The following TRAPPC8 variants were observed in gnomAD, a reference collection of about 807,000 sequenced individuals.
TRAPPC8 encodes the protein trafficking protein particle complex subunit 8, also known as general sporulation gene 1 homolog.
In TRAPPC8, 54 loss-of-function variants were observed where a neutral mutation model predicts 174.3. The observed-to-expected ratio is 0.31, with a 90% CI of 0.25 to 0.39. The LOEUF is 0.39. TRAPPC8 is among the 10% of genes least tolerant of loss of function. The probability of loss-of-function intolerance (pLI) is 1.00; values close to 1 mark genes in which losing one functional copy is unlikely to be tolerated. For synonymous variants in TRAPPC8, 630 were observed against 579.9 expected, an observed-to-expected ratio of 1.09 and a Z score of -1.24; for missense variants, 1,531 against 1,699.1, an observed-to-expected ratio of 0.90 and a Z score of 1.74.
Position 31,936,378 on chromosome 18 carries a change from C to T in TRAPPC8, c.158-4855G>A, listed in dbSNP as rs150648448. 5.6e-3 allele frequency among the ~76,000 whole-genome samples: 857 copies of T among 152,074 alleles called. 6 individuals are homozygous for T. Among genetic ancestry groups the T allele is most frequent in the African/African-American group, 0.02 (819 of 41,468 alleles). ...ACCCAGGAGGCCAATGTGGAATGAT[C>T]GCTTGAGCCCAGGAGGTCGAGGCTG... On this transcript the variant is annotated intron_variant, in intron 1 of 28. Transcript: ENST00000283351.
In TRAPPC8 at chr18:31,866,957, G is replaced by T; in HGVS notation, c.2482C>A (p.Pro828Thr). The change falls in exon 18 of 29, where the codon CCC (proline) becomes ACC (threonine). Residue 828 changes from proline (P) to threonine (T), a missense_variant. Pro to Thr is a conservative substitution (Grantham distance 38). Transcript: ENST00000283351. ...ESKVARLKLFPHHIGELHILG... is the reference protein window; with the variant it reads ...ESKVARLKLFTHHIGELHILG... ...ATATGCAGCTCCCCTATGTGATGGG[G>T]AAAGAGCTTTAGTCTTGCCTGTGGA... The T allele has an allele frequency of 1.9e-6, 3 of 1,613,572 alleles. No homozygotes were observed. Among genetic ancestry groups the T allele is most frequent in the South Asian group, 2.2e-5 (2 of 91,068 alleles).
chr18:31,855,680 C>A lies in TRAPPC8; in HGVS notation c.3316G>T (p.Asp1106Tyr). 1.3e-6 allele frequency: 2 copies of A among 1,598,122 alleles called. No homozygotes were observed. Among genetic ancestry groups the A allele is most frequent in the Non-Finnish European group, 1.7e-6 (2 of 1,176,422 alleles). ...CTTACAGTATTGGTATTTTCCACAT[C>A]CACAAAGACTAGCATATTGCCTCCT... ...GRGGNMLVFV[D>Y]VENTNTSEAG... The change falls in exon 21 of 29, where the codon GAT becomes TAT. Residue 1106 changes from aspartate to tyrosine, a missense_variant. Asp to Tyr is a radical substitution (Grantham distance 160, BLOSUM62 -3). Transcript: ENST00000283351.
At chr18:31,898,228 G>T (rs1233789956) in intron 10 of TRAPPC8, among the ~76,000 whole-genome samples, 1 of 151,216 alleles carries the variant, frequency 6.6e-6, no homozygotes, top group Non-Finnish European at 1.5e-5. Context: ...TTTATTGTTG[G>T]TTTTTTCCCA....
chr18:31,905,922 G>T (rs1245171845), intron 9 of TRAPPC8, among the ~76,000 whole-genome samples: 1 of 151,970 alleles, frequency 6.6e-6, no homozygotes, highest in Non-Finnish European at 1.5e-5. Context: ...AGGTTATAAG[G>T]TATTAATAAT....
rs146361581 is a variant in TRAPPC8 at position 31,915,375 on chromosome 18, C to T, written c.617+897G>A. On this transcript the variant is annotated intron_variant, in intron 4 of 28. Transcript: ENST00000283351. ...ACCCGGGAGGCTGAGGCAGGAGAAT[C>T]GCTGGAACTCAGGAAGCACAGAGGC... Among the ~76,000 whole-genome samples the T allele has an allele frequency of 3.0e-3, 453 of 148,562 alleles. 2 individuals are homozygous for T. The highest frequency in any genetic ancestry group is 9.8e-3 in the African/African-American group (393 of 40,140).
intron 27 of TRAPPC8, 25 bp from the exon 28 acceptor site, chr18:31,832,198 A>C: frequency 7.0e-7 from 1 of 1,421,686 alleles, no homozygotes; most frequent in Non-Finnish European, 9.3e-7. Context: ...TAAACAAAAA[A>C]GTTATATATT....
chr18:31,897,097 C>T (rs903753250), intron 11 of TRAPPC8, among the ~76,000 whole-genome samples: 2 of 152,130 alleles, frequency 1.3e-5, no homozygotes, highest in South Asian at 2.1e-4. Context: ...GATAATTTAA[C>T]ATTTAAGGAG....
intron 1 of TRAPPC8, among the ~76,000 whole-genome samples, chr18:31,932,453 CAAA>C (rs1272108857): frequency 6.6e-6 from 1 of 150,754 alleles, no homozygotes; most frequent in Admixed American, 6.6e-5. Context: ...ACAACAACAA[CAAA>C]AAAACAATGT....
intron 5 of TRAPPC8, among the ~76,000 whole-genome samples, chr18:31,910,984 T>C (rs1288439305): frequency 1.3e-5 from 2 of 152,202 alleles, no homozygotes; most frequent in Admixed American, 6.5e-5. Context: ...CCCAGCATTA[T>C]CTTAAAGAAC....
Position 31,852,678 on chromosome 18 carries a change from G to T in TRAPPC8, c.3434-15C>A. 1.2e-6 allele frequency: 2 copies of T among 1,607,996 alleles called. No individual in the cohort carries two copies. Among genetic ancestry groups the T allele is most frequent in the Non-Finnish European group, 8.5e-7 (1 of 1,175,630 alleles). ...AAGTTTGGTATCTAGGAAGAAAAAG[G>T]GAAATTTCAAAGATGTTTCTCAGTT... On this transcript the variant is annotated splice_polypyrimidine_tract_variant and intron_variant, in intron 22 of 28. Coordinates refer to ENST00000283351, the MANE Select transcript of TRAPPC8 (RefSeq NM_014939.5).
chr18:31,838,019 G>C (rs922270204), intron 27 of TRAPPC8, among the ~76,000 whole-genome samples: 2 of 147,554 alleles, frequency 1.4e-5, no homozygotes, highest in South Asian at 2.1e-4. Context: ...GCCCAGGCTA[G>C]AGTGCAATGG....
rs966302149 is a variant in TRAPPC8, at chr18:31,831,912, A to G, written c.4073+172T>C. Among the ~76,000 whole-genome samples the G allele has an allele frequency of 3.0e-4, 46 of 152,102 alleles. 1 individual carries two copies. The highest frequency in any genetic ancestry group is 1.1e-3 in the African/African-American group (45 of 41,442). On this transcript the variant is annotated intron_variant, in intron 28 of 28. Transcript: ENST00000283351. Reference sequence around the variant, plus strand: ...ACTATTTTATAATCAAGAAAAAAAAATCTTTAATATTTAAAGCCTCTGTAA... The same window carrying G: ...ACTATTTTATAATCAAGAAAAAAAAGTCTTTAATATTTAAAGCCTCTGTAA...
At chr18:31,909,039 T>A (rs1367651305) in intron 6 of TRAPPC8, 29 bp from the exon 7 acceptor site, 1 of 1,573,618 alleles carries the variant, frequency 6.4e-7, no homozygotes, top group Non-Finnish European at 8.6e-7. Flanking sequence ...TTTCTTTTAC[T>A]CTCAGAATGC....
chr18:31,880,090 AATAT>A lies in TRAPPC8; in HGVS notation c.1729-5390_1729-5387del, dbSNP rs1246506445. Among the ~76,000 whole-genome samples the A allele has an allele frequency of 8.7e-3, 740 of 85,306 alleles. 8 individuals carry two copies. Among genetic ancestry groups the A allele is most frequent in the Non-Finnish European group, 0.012 (567 of 45,676 alleles). The allele number at this position is 85,306 out of a possible 152,430, so 56.0% of individuals were successfully genotyped here. ...TTTTACTGAAACTATTGAAAAAAAA[AATAT>A]ATATATATATATATATATATATATA... On this transcript the variant is annotated intron_variant, in intron 12 of 28. Transcript: ENST00000283351.
intron 26 of TRAPPC8, among the ~76,000 whole-genome samples, chr18:31,843,562 G>A (rs899645511): frequency 1.3e-5 from 2 of 152,104 alleles, no homozygotes; most frequent in African/African-American, 2.4e-5. Flanking sequence ...ATCTATTTGT[G>A]TGCAAACTAT....
intron 1 of TRAPPC8, among the ~76,000 whole-genome samples, chr18:31,936,548 GATTA>G (rs2038105925): frequency 6.6e-6 from 1 of 152,126 alleles, no homozygotes; most frequent in African/African-American, 2.4e-5. Context: ...ACACCTTGGA[GATTA>G]ATTACTTCAT....
At chr18:31,938,871 A>G (rs1395557786) in intron 1 of TRAPPC8, among the ~76,000 whole-genome samples, 1 of 152,078 alleles carries the variant, frequency 6.6e-6, no homozygotes, top group East Asian at 1.9e-4. Flanking sequence ...CATGAGGTCA[A>G]GAGATAGAGA....
chr18:31,927,623 G>C (rs1245733015), intron 2 of TRAPPC8, among the ~76,000 whole-genome samples: 1 of 152,062 alleles, frequency 6.6e-6, no homozygotes, highest in African/African-American at 2.4e-5. Context: ...GGCTGGTCTT[G>C]AACTCCTGGC....
intron 19 of TRAPPC8, among the ~76,000 whole-genome samples, chr18:31,862,623 T>C (rs887057890): frequency 1.3e-5 from 2 of 152,050 alleles, no homozygotes; most frequent in African/African-American, 4.8e-5. Context: ...TGCATCACAA[T>C]TAAGCAAGGG....
Sources: gnomAD v4.1 joint callset for allele counts (sites outside exome capture counted in the v4.1 genomes callset) on GRCh38, gnomAD v4.1.1 for gene constraint, MANE v1.5 for transcripts, NCBI Gene and HGNC (gene_info 2026-07-23, HGNC 2026-07-21) for gene names.